The following EFCAB5 variants were observed in gnomAD, a reference collection of about 807,000 sequenced individuals.
The protein encoded by EFCAB5 is EF-hand calcium-binding domain-containing protein 5.
In EFCAB5, 131 loss-of-function variants were observed where a neutral mutation model predicts 167.9. The observed-to-expected ratio is 0.78, with a 90% CI of 0.68 to 0.90. The LOEUF (loss-of-function observed/expected upper bound fraction) is 0.90. Among genes scored for constraint, EFCAB5 ranks in the 40% least tolerant of loss-of-function variants. EFCAB5 has a pLI of 0.00. For synonymous variants in EFCAB5, 574 were observed against 602.8 expected, an observed-to-expected ratio of 0.95 and a Z score of 0.70; for missense variants, 1,663 against 1,745.2, an observed-to-expected ratio of 0.95 and a Z score of 0.84.
chr17:29,934,772 A>G (rs572128463), intron 1 of EFCAB5, among the ~76,000 whole-genome samples: 1 of 152,188 alleles, frequency 6.6e-6, no homozygotes, highest in Non-Finnish European at 1.5e-5. Context: ...GACCATGGGC[A>G]TACTAGGGTG....
rs193032409 is a variant in EFCAB5, at chr17:30,078,734, T to G, written c.3027+230T>G. Among the ~76,000 whole-genome samples the G allele has an allele frequency of 1.6e-3, 239 of 152,240 alleles. 1 individual carries two copies. The highest frequency in any genetic ancestry group is 2.8e-3 in the Non-Finnish European group (189 of 68,002). On this transcript the variant is annotated intron_variant, in intron 15 of 22. Transcript: ENST00000394835. ...AGAGGAGAAAGGTAGAAAAGACAGA[T>G]GTAGAAAAGATGTCTTGGGATTTCT...
intron 7 of EFCAB5, among the ~76,000 whole-genome samples, chr17:30,002,623 A>T (rs968783755): frequency 6.6e-6 from 1 of 152,144 alleles, no homozygotes; most frequent in Non-Finnish European, 1.5e-5. Flanking sequence ...ATGAGAAGAA[A>T]AGTCTGTTGT....
upstream of EFCAB5, among the ~76,000 whole-genome samples, chr17:29,940,821 C>G (rs2067288174): frequency 6.6e-6 from 1 of 152,064 alleles, no homozygotes; most frequent in South Asian, 2.1e-4. Flanking sequence ...GGGTGGATCA[C>G]TTGAGGTCAG....
Position 30,053,364 on chromosome 17 carries a change from A to C in EFCAB5, c.1410A>C (p.Thr470=). The part of the protein sequence containing the change: ...GFDKVLLEMN[T]LLSANHASKT... ...ACAAAGTGCTCTTGGAGATGAATAC[A>C]TTACTTTCTGCAAATCATGCTAGCA... Residue 470 remains threonine, a synonymous_variant, in exon 10 of 23, where the codon ACA becomes ACC. Transcript: ENST00000394835. 8 of 1,614,048 alleles carry C rather than the reference A, an allele frequency of 5.0e-6. No homozygotes were observed. Among genetic ancestry groups the C allele is most frequent in the Non-Finnish European group, 6.8e-6 (8 of 1,179,888 alleles).
At chr17:30,083,681 C>T (rs1370677025) in intron 18 of EFCAB5, among the ~76,000 whole-genome samples, 4 of 152,250 alleles carry the variant, frequency 2.6e-5, no homozygotes, top group East Asian at 3.9e-4. Context: ...CTTGAACTCC[C>T]GACCTCAGAT....
chr17:30,089,079 A>G (rs1013449972), intron 19 of EFCAB5, among the ~76,000 whole-genome samples: 10 of 151,932 alleles, frequency 6.6e-5, no homozygotes, highest in Admixed American at 2.0e-4. Context: ...TACTAATGCT[A>G]TCCCTCCCCC....
In EFCAB5 at chr17:30,034,202, C is replaced by T. The variant is rs1295055966; in HGVS notation, c.1045-28C>T. The T allele has an allele frequency of 1.1e-5, 18 of 1,607,986 alleles. No individual in the cohort carries two copies. The Admixed American group carries it at 2.5e-4, about 23-fold the overall frequency. ...AAGTAGAGCATGGTTTTAAGTCAAT[C>T]GTTTATCCTCTTTTTTTTCCCCTGT... On this transcript the variant is annotated intron_variant, in intron 7 of 22. Coordinates refer to ENST00000394835, the MANE Select transcript of EFCAB5 (RefSeq NM_198529.4).
At chr17:30,059,497 A>G (rs2070366695) in intron 13 of EFCAB5, 48 bp from the exon 14 acceptor site, 1 of 1,511,026 alleles carries the variant, frequency 6.6e-7, no homozygotes, top group African/African-American at 1.4e-5. Context: ...GCTAGCTAGC[A>G]CAATGAACAT....
chr17:29,964,990 C>G (rs1186515640), intron 3 of EFCAB5, among the ~76,000 whole-genome samples: 1 of 151,760 alleles, frequency 6.6e-6, no homozygotes, highest in Admixed American at 6.6e-5. Flanking sequence ...CAAGCTCTGC[C>G]TTCCGGGTTC....
At chr17:29,945,693 C>T (rs1341084247) in intron 3 of EFCAB5, among the ~76,000 whole-genome samples, 3 of 151,988 alleles carry the variant, frequency 2.0e-5, no homozygotes, top group African/African-American at 7.3e-5. Context: ...AAACCAAATA[C>T]CTACAACCAA....
At chr17:30,099,021 T>A (rs955199394) in intron 22 of EFCAB5, among the ~76,000 whole-genome samples, 2 of 152,242 alleles carry the variant, frequency 1.3e-5, no homozygotes, top group Non-Finnish European at 2.9e-5. Context: ...TATTCTATGA[T>A]AGACAACATT....
intron 14 of EFCAB5, among the ~76,000 whole-genome samples, chr17:30,070,121 C>T (rs2151817441): frequency 6.6e-6 from 1 of 152,262 alleles, no homozygotes; most frequent in Non-Finnish European, 1.5e-5. Context: ...TCTTTGTTTC[C>T]TTGTGGCTTC....
In EFCAB5 at chr17:29,969,218, C is replaced by G; in HGVS notation, c.618C>G (p.Ser206Arg). 1 of 1,613,824 alleles carries G rather than the reference C, an allele frequency of 6.2e-7. No homozygotes were observed. The highest frequency in any genetic ancestry group is 8.5e-7 in the Non-Finnish European group (1 of 1,179,830). Residue 206 changes from serine to arginine, a missense_variant, in exon 4 of 23, where the codon AGC becomes AGG. Ser to Arg is a moderately radical substitution (Grantham distance 110). Coordinates refer to ENST00000394835, the MANE Select transcript of EFCAB5 (RefSeq NM_198529.4). The part of the protein sequence containing the change: ...KKVLTEADTP[S>R]KFDPINYLGE... Reference sequence around the variant, plus strand: ...TTTTGACAGAAGCTGATACTCCAAGCAAGTTTGACCCAATTAATTATTTGG... The same window carrying G: ...TTTTGACAGAAGCTGATACTCCAAGGAAGTTTGACCCAATTAATTATTTGG...
intron 6 of EFCAB5, among the ~76,000 whole-genome samples, chr17:29,999,698 T>A (rs922377248): frequency 6.6e-6 from 1 of 152,238 alleles, no homozygotes. Context: ...TCTTTTTTTT[T>A]AGTATTTGGT....
intron 6 of EFCAB5, among the ~76,000 whole-genome samples, chr17:29,997,965 T>C (rs962235969): frequency 2.0e-5 from 3 of 151,980 alleles, no homozygotes; most frequent in East Asian, 1.9e-4. Context: ...ACTTGTCCCA[T>C]AGGAACTAGA....
Position 30,053,888 on chromosome 17 carries a change from A to G in EFCAB5, c.1934A>G (p.Glu645Gly). The G allele has an allele frequency of 6.2e-7, 1 of 1,614,036 alleles. No homozygotes were observed. Among genetic ancestry groups the G allele is most frequent in the Non-Finnish European group, 8.5e-7 (1 of 1,179,884 alleles). ...GGATCACTCAGAGAGTCAGTAATAG[A>G]AGAACCATACCAAAAATCAGAACAA... ...EQGSLRESVI[E>G]EPYQKSEQGP... Residue 645 changes from glutamate to glycine, a missense_variant, in exon 10 of 23, where the codon GAA becomes GGA. By Grantham distance (98) the Glu-to-Gly change is moderately conservative. Coordinates refer to ENST00000394835, the MANE Select transcript of EFCAB5 (RefSeq NM_198529.4).
At chr17:30,083,886 T>C (rs2071037520) in intron 18 of EFCAB5, among the ~76,000 whole-genome samples, 1 of 152,214 alleles carries the variant, frequency 6.6e-6, no homozygotes, top group South Asian at 2.1e-4. Context: ...TTGGAAGGAC[T>C]CAGTTATATG....
intron 4 of EFCAB5, among the ~76,000 whole-genome samples, chr17:29,973,197 C>T (rs1277117538): frequency 2.6e-5 from 4 of 152,140 alleles, no homozygotes; most frequent in African/African-American, 9.7e-5. Flanking sequence ...ACATTCTGCC[C>T]TACCCCACCC....
chr17:30,096,785 T>G lies in EFCAB5; in HGVS notation c.4321+3849T>G, dbSNP rs567114099. 3.5e-3 allele frequency among the ~76,000 whole-genome samples: 505 copies of G among 145,700 alleles called. 2 individuals are homozygous for G. The highest frequency in any genetic ancestry group is 0.012 in the African/African-American group (492 of 39,500). On this transcript the variant is annotated intron_variant, in intron 22 of 22. Transcript: ENST00000394835. ...ACCTCTGACTCCCGGGTTCAAGAGATTCTCCTGCCTCAGCCTCCCCAGTAG... is the reference window on the plus strand; with the variant it reads ...ACCTCTGACTCCCGGGTTCAAGAGAGTCTCCTGCCTCAGCCTCCCCAGTAG...
Sources: allele counts gnomAD v4.1 joint callset (sites outside exome capture counted in the v4.1 genomes callset), GRCh38; gene constraint gnomAD v4.1.1; transcripts MANE v1.5; gene names NCBI Gene and HGNC (gene_info 2026-07-23, HGNC 2026-07-21).